CFAP43: variants seen among roughly 807,000 people sequenced by gnomAD.
The protein encoded by CFAP43 is cilia and flagella associated protein 43.
A neutral mutation model predicts 218.9 loss-of-function variants in CFAP43; 155 were observed. The observed-to-expected ratio is 0.71, with a 90% confidence interval of 0.62 to 0.81. CFAP43 has a LOEUF of 0.81. CFAP43 is among the 30% of genes least tolerant of loss of function. The pLI is 0.00. For missense variants in CFAP43, 1,778 were observed against 1,954.3 expected, an observed-to-expected ratio of 0.91 and a Z score of 1.70; for synonymous variants, 645 against 681.3, an observed-to-expected ratio of 0.95 and a Z score of 0.83.
chr10:104,142,720 G>T (rs2087765322), intron 32 of CFAP43, among the ~76,000 whole-genome samples: 1 of 152,136 alleles, frequency 6.6e-6, no homozygotes, highest in South Asian at 2.1e-4. Flanking sequence ...CCTGATGCAT[G>T]TGGGCATTAA....
chr10:104,214,375 A>T lies in CFAP43; in HGVS notation c.468T>A (p.Asp156Glu). The T allele has an allele frequency of 6.2e-7, 1 of 1,609,826 alleles. No homozygotes were observed. Among genetic ancestry groups the T allele is most frequent in the Non-Finnish European group, 8.5e-7 (1 of 1,177,674 alleles). Reference protein sequence around the residue: ...ILCKKSQPGMDVNQMSFNPMN... With the variant: ...ILCKKSQPGMEVNQMSFNPMN... Reference sequence around the variant, plus strand: ...TGGGGTTAAAAGACATTTGGTTCACATCCATTCCAGGCTGTGATTTCTTAC... The same window carrying T: ...TGGGGTTAAAAGACATTTGGTTCACTTCCATTCCAGGCTGTGATTTCTTAC... Residue 156 changes from aspartate to glutamate, a missense_variant, in exon 4 of 38, where the codon GAT (aspartate) becomes GAA (glutamate). Asp to Glu is a conservative substitution (Grantham distance 45, BLOSUM62 2). This residue lies in a region of CFAP43 where 1,553 missense variants were observed against 1,685.2 expected (regional missense o/e 0.92). Transcript: ENST00000357060.
intron 20 of CFAP43, among the ~76,000 whole-genome samples, chr10:104,171,571 A>G (rs1294967200): frequency 1.3e-5 from 2 of 152,206 alleles, no homozygotes; most frequent in African/African-American, 4.8e-5. Flanking sequence ...CTGTCCTTGA[A>G]TCCAGCTATC....
intron 12 of CFAP43, among the ~76,000 whole-genome samples, chr10:104,191,365 T>C (rs1161430143): frequency 2.6e-5 from 4 of 152,202 alleles, no homozygotes; most frequent in Non-Finnish European, 5.9e-5. Flanking sequence ...CAAGTACCTT[T>C]GTTTGGGTTA....
intron 19 of CFAP43, among the ~76,000 whole-genome samples, chr10:104,178,190 C>G (rs2089698251): frequency 6.6e-6 from 1 of 152,154 alleles, no homozygotes; most frequent in Admixed American, 6.5e-5. Flanking sequence ...CAGCCATACA[C>G]CTGGTCTACA....
chr10:104,227,663 CA>C (rs974980070), intron 2 of CFAP43, among the ~76,000 whole-genome samples: 1 of 151,744 alleles, frequency 6.6e-6, no homozygotes, highest in Non-Finnish European at 1.5e-5. Context: ...ATATTTGTTC[CA>C]AATATTTTAC....
In CFAP43 at chr10:104,166,764, T is replaced by TC. The variant is rs2089177417; in HGVS notation, c.2809-47dup. On this transcript the variant is annotated intron_variant, in intron 22 of 37. Coordinates refer to ENST00000357060, the MANE Select transcript of CFAP43 (RefSeq NM_025145.7). ...CACAGAAGTTATGCAATAATAAGAA[T>TC]CCTCTAAAGGGAAATTTTGTGACAA... 2.6e-5 allele frequency: 39 copies of TC among 1,498,360 alleles called. No homozygotes were observed. In the East Asian group the frequency reaches 8.9e-4, roughly 34 times the overall value. The allele number at this position is 1,498,360 out of a possible 1,614,324, so 92.8% of individuals were successfully genotyped here.
intron 8 of CFAP43, among the ~76,000 whole-genome samples, chr10:104,201,425 A>G (rs1041405108): frequency 3.3e-5 from 5 of 151,398 alleles, no homozygotes; most frequent in Admixed American, 6.6e-5. Flanking sequence ...TTTGGGTTAA[A>G]CTTTTTTTTT....
chr10:104,161,232 G>A, intron 26 of CFAP43, 70 bp from the exon 27 acceptor site: 1 of 1,497,612 alleles, frequency 6.7e-7, no homozygotes, highest in Non-Finnish European at 9.0e-7. Flanking sequence ...AAAGCTCAGA[G>A]TTTTTTTTAA....
At chr10:104,130,342 T>C (rs779152905) in intron 37 of CFAP43, 37 bp from the exon 38 acceptor site, 1 of 1,582,174 alleles carries the variant, frequency 6.3e-7, no homozygotes, top group Non-Finnish European at 8.5e-7. Context: ...CGATTATTTA[T>C]CAATACTTTC....
At chr10:104,168,024 A>G (rs1203745049) in intron 21 of CFAP43, among the ~76,000 whole-genome samples, 3 of 152,154 alleles carry the variant, frequency 2.0e-5, no homozygotes, top group Non-Finnish European at 4.4e-5. Flanking sequence ...TTTGCCCCCA[A>G]GACATTTGGC....
At chr10:104,192,170 T>G in intron 12 of CFAP43, 29 bp downstream of exon 12, 1 of 1,484,178 alleles carries the variant, frequency 6.7e-7, no homozygotes, top group Non-Finnish European at 9.2e-7. Context: ...TAATCAATAT[T>G]TTAAATTAAT....
At position 104,214,295 on chromosome 10, in the gene CFAP43, A is replaced by G. The variant is rs2090953858; in HGVS notation, c.548T>C (p.Ile183Thr). 6.3e-7 allele frequency: 1 copy of G among 1,599,246 alleles called. No homozygotes were observed. The highest frequency in any genetic ancestry group is 1.3e-5 in the African/African-American group (1 of 74,450). The stretch of plus-strand genomic sequence containing the variant: ...ACAATGCTCCTGGTTACTTCTTTCA[A>G]TGGTCCACACGCTCACTGTACTTGG... ...SSPSTVSVWT[I>T]ERSNQEHCFR... Residue 183 changes from isoleucine to threonine, a missense_variant, in exon 4 of 38, where the codon ATT (isoleucine) becomes ACT (threonine). By Grantham distance (89) the Ile-to-Thr change is moderately conservative (BLOSUM62 -1). Transcript: ENST00000357060.
intron 19 of CFAP43, among the ~76,000 whole-genome samples, chr10:104,173,093 C>A (rs1000671731): frequency 1.3e-5 from 2 of 151,774 alleles, no homozygotes; most frequent in Admixed American, 1.3e-4. Context: ...ACACATATGA[C>A]AAAATATTAA....
chr10:104,197,786 G>T, intron 9 of CFAP43, 136 bp downstream of exon 9: 1 of 595,290 alleles, frequency 1.7e-6, no homozygotes, highest in Non-Finnish European at 3.0e-6. Context: ...AGTCTTCAAG[G>T]ACAGCCTCTG....
At chr10:104,134,107 C>T (rs2087328319) in intron 34 of CFAP43, among the ~76,000 whole-genome samples, 1 of 152,170 alleles carries the variant, frequency 6.6e-6, no homozygotes, top group African/African-American at 2.4e-5. Flanking sequence ...TCATTGTCCT[C>T]CCACCTGATG....
chr10:104,153,756 T>C (rs1217230342), intron 27 of CFAP43, among the ~76,000 whole-genome samples: 2 of 150,318 alleles, frequency 1.3e-5, no homozygotes, highest in Non-Finnish European at 3.0e-5. Context: ...ATTTGCTTTA[T>C]CACTTTTCTC....
At chr10:104,188,669 G>A (rs2090111496) in intron 12 of CFAP43, among the ~76,000 whole-genome samples, 2 of 152,156 alleles carry the variant, frequency 1.3e-5, no homozygotes, top group African/African-American at 2.4e-5. Context: ...TTCCCAGCCA[G>A]GGTGGCCCCA....
intron 35 of CFAP43, 41 bp downstream of exon 35, chr10:104,133,579 G>A (rs1220537305): frequency 6.4e-7 from 1 of 1,567,726 alleles, no homozygotes; most frequent in Admixed American, 1.9e-5. Flanking sequence ...ATACATTAAT[G>A]AATAAAATTA....
intron 10 of CFAP43, among the ~76,000 whole-genome samples, chr10:104,195,014 A>G (rs2090344731): frequency 6.6e-6 from 1 of 152,204 alleles, no homozygotes; most frequent in South Asian, 2.1e-4. Flanking sequence ...AAAAATAATC[A>G]GCTGAAATTC....
Sources: allele counts gnomAD v4.1 joint callset (sites outside exome capture counted in the v4.1 genomes callset), GRCh38; gene constraint gnomAD v4.1.1; regional missense constraint gnomAD v4.1.1; transcripts MANE v1.5; gene names NCBI Gene and HGNC (gene_info 2026-07-23, HGNC 2026-07-21).